Variants in GRIN2A observed in about 807,000 individuals in gnomAD.
The protein encoded by GRIN2A is glutamate ionotropic receptor NMDA type subunit 2A, also known as glutamate receptor ionotropic, NMDA 2A.
GRIN2A carries 22 observed loss-of-function variants against 113.4 expected under a neutral mutation model. That is an observed-to-expected ratio of 0.19 (90% CI 0.14 to 0.28). The LOEUF is 0.28. GRIN2A is among the 10% of genes least tolerant of loss of function. GRIN2A has a pLI of 1.00. For synonymous variants in GRIN2A, 827 were observed against 738.4 expected, an observed-to-expected ratio of 1.12 and a Z score of -1.94; for missense variants, 1,502 against 1,887.0, an observed-to-expected ratio of 0.80 and a Z score of 3.78.
intron 3 of GRIN2A, among the ~76,000 whole-genome samples, chr16:9,909,158 CA>C (rs947800876): frequency 6.6e-6 from 1 of 152,050 alleles, no homozygotes; most frequent in Non-Finnish European, 1.5e-5. Context: ...AGGGAGCAGG[CA>C]AAAAGAGTTT....
intron 2 of GRIN2A, among the ~76,000 whole-genome samples, chr16:9,988,268 GGT>G (rs71157798): frequency 0.41 from 50,042 of 121,538 alleles, 8,881 homozygotes; most frequent in Middle Eastern, 0.5. Context: ...GATCCATAGG[GGT>G]GTGTGTGTGT....
intron 2 of GRIN2A, among the ~76,000 whole-genome samples, chr16:10,025,827 G>C (rs2141909452): frequency 1.3e-5 from 2 of 152,260 alleles, no homozygotes; most frequent in South Asian, 4.1e-4. Flanking sequence ...TTGCTTCAGA[G>C]AAATCTTACT....
chr16:9,925,604 T>C lies in GRIN2A; in HGVS notation c.1007+12355A>G, dbSNP rs184627747. On this transcript the variant is annotated intron_variant, in intron 3 of 12. Transcript: ENST00000330684. ...CTTAAGTTGCAGCCTGGAAACTCTC[T>C]CAAGGTGGTGAGTGGAGCCATAAAT... Among the ~76,000 whole-genome samples the C allele has an allele frequency of 2.6e-3, 399 of 152,318 alleles. 1 individual carries two copies. Among genetic ancestry groups the C allele is most frequent in the Non-Finnish European group, 4.1e-3 (276 of 68,028 alleles).
rs1385173240 is a variant in GRIN2A, at chr16:9,763,543, C to G, written c.4001G>C (p.Ser1334Thr). Residue 1334 changes from serine to threonine, a missense_variant, in exon 13 of 13, where the codon AGC (serine) becomes ACC (threonine). Around this residue, in one of 7 missense-constraint regions of GRIN2A, gnomAD observed 832 missense variants for 789.7 expected, o/e 1.05. Transcript: ENST00000330684. ...GGAGCTTTTTTTCCCCGAGAGTTTGCTTGAGGGGACACTAAACAGGCTGCC... is the reference window on the plus strand; with the variant it reads ...GGAGCTTTTTTTCCCCGAGAGTTTGGTTGAGGGGACACTAAACAGGCTGCC... ...FYGSLFSVPS[S>T]KLSGKKSSLF... The G allele has an allele frequency of 6.2e-7, 1 of 1,613,876 alleles. No individual in the cohort carries two copies. Among genetic ancestry groups the G allele is most frequent in the East Asian group, 2.2e-5 (1 of 44,886 alleles).
intron 2 of GRIN2A, among the ~76,000 whole-genome samples, chr16:9,982,304 G>T (rs1468324683): frequency 6.6e-6 from 1 of 152,132 alleles, no homozygotes; most frequent in Non-Finnish European, 1.5e-5. Context: ...TAAGTGATGT[G>T]TGTACTTTCT....
intron 3 of GRIN2A, among the ~76,000 whole-genome samples, chr16:9,899,393 T>G (rs959822294): frequency 5.7e-5 from 7 of 122,912 alleles, no homozygotes; most frequent in African/African-American, 2.3e-4. Flanking sequence ...TGAGTGGAGA[T>G]CGCACCATTG....
intron 2 of GRIN2A, among the ~76,000 whole-genome samples, chr16:10,119,236 G>A (rs2048786504): frequency 6.6e-6 from 1 of 152,188 alleles, no homozygotes; most frequent in South Asian, 2.1e-4. Context: ...GGAGGAAGAT[G>A]GAGAAAGTTA....
chr16:9,912,849 C>T (rs1366138727), intron 3 of GRIN2A, among the ~76,000 whole-genome samples: 2 of 152,172 alleles, frequency 1.3e-5, no homozygotes, highest in Non-Finnish European at 2.9e-5. Context: ...ATCTAAAAGG[C>T]AGTAATAGCT....
At chr16:10,179,889 C>A (rs1295983027) in intron 2 of GRIN2A, 109 bp downstream of exon 2, 2 of 685,456 alleles carry the variant, frequency 2.9e-6, no homozygotes, top group East Asian at 7.5e-5. Flanking sequence ...CCCACCCCCA[C>A]CCCCACTTCA....
chr16:9,855,529 C>T (rs1043016699), intron 4 of GRIN2A, among the ~76,000 whole-genome samples: 1 of 152,166 alleles, frequency 6.6e-6, no homozygotes, highest in Non-Finnish European at 1.5e-5. Flanking sequence ...TGTCATTCTC[C>T]TCACTGTAAC....
intron 2 of GRIN2A, among the ~76,000 whole-genome samples, chr16:9,959,897 C>T (rs1490885410): frequency 6.6e-6 from 1 of 152,144 alleles, no homozygotes; most frequent in Non-Finnish European, 1.5e-5. Flanking sequence ...CGCTTGAACC[C>T]GGGAGGCAGA....
At chr16:9,819,662 T>A (rs2042244857) in intron 10 of GRIN2A, among the ~76,000 whole-genome samples, 1 of 152,096 alleles carries the variant, frequency 6.6e-6, no homozygotes, top group Non-Finnish European at 1.5e-5. Flanking sequence ...TATTGAATTA[T>A]TTTTTAAAAA....
intron 2 of GRIN2A, among the ~76,000 whole-genome samples, chr16:10,160,054 G>T (rs973187607): frequency 9.9e-5 from 15 of 152,238 alleles, no homozygotes; most frequent in Admixed American, 4.6e-4. Context: ...TCATTTTGGT[G>T]CAGGGAACCT....
At chr16:9,843,507 T>C (rs1478579476) in intron 5 of GRIN2A, among the ~76,000 whole-genome samples, 1 of 152,168 alleles carries the variant, frequency 6.6e-6, no homozygotes, top group Admixed American at 6.5e-5. Flanking sequence ...GAAAACATAA[T>C]TTTGAGTAAC....
intron 2 of GRIN2A, among the ~76,000 whole-genome samples, chr16:9,990,300 A>G (rs2046076194): frequency 1.3e-5 from 2 of 152,176 alleles, no homozygotes; most frequent in Non-Finnish European, 2.9e-5. Flanking sequence ...CAAGTAACAC[A>G]TGTTCTCACT....
chr16:10,001,387 TA>T (rs2046316901), intron 2 of GRIN2A, among the ~76,000 whole-genome samples: 1 of 152,166 alleles, frequency 6.6e-6, no homozygotes, highest in Non-Finnish European at 1.5e-5. Context: ...ACAATAGAGA[TA>T]CATAAGCTTC....
At chr16:10,063,981 G>A (rs184630671) in intron 2 of GRIN2A, among the ~76,000 whole-genome samples, 1 of 152,172 alleles carries the variant, frequency 6.6e-6, no homozygotes, top group Admixed American at 6.5e-5. Flanking sequence ...AGAATTCTGG[G>A]ATTTTATGTC....
At chr16:9,867,422 C>G (rs192794785) in intron 4 of GRIN2A, among the ~76,000 whole-genome samples, 3 of 152,250 alleles carry the variant, frequency 2.0e-5, no homozygotes, top group East Asian at 1.9e-4. Context: ...TATGGACAAC[C>G]CACATCACCC....
chr16:10,109,946 A>G (rs1332544996), intron 2 of GRIN2A, among the ~76,000 whole-genome samples: 1 of 151,964 alleles, frequency 6.6e-6, no homozygotes, highest in Non-Finnish European at 1.5e-5. Context: ...ACATGTGCAC[A>G]ATGTGCAGGT....
Sources: gnomAD v4.1 joint callset for allele counts (sites outside exome capture counted in the v4.1 genomes callset) on GRCh38, gnomAD v4.1.1 for gene constraint, gnomAD v4.1.1 regional missense constraint, MANE v1.5 for transcripts, NCBI Gene and HGNC (gene_info 2026-07-23, HGNC 2026-07-21) for gene names.